The following SLC35F1 variants were observed in gnomAD, a reference collection of about 807,000 sequenced individuals.
SLC35F1 encodes chromosome 6 open reading frame 169.
A neutral mutation model predicts 48.7 loss-of-function variants in SLC35F1; 14 were observed. That is an observed-to-expected ratio of 0.29 (90% CI 0.19 to 0.45). The LOEUF (loss-of-function observed/expected upper bound fraction) is 0.45, where lower values mean the gene tolerates loss of function less well. Among genes scored for constraint, SLC35F1 ranks in the 20% least tolerant of loss-of-function variants. The probability of loss-of-function intolerance (pLI) is 1.00; values close to 1 mark genes in which losing one functional copy is unlikely to be tolerated. For missense variants in SLC35F1, 404 were observed against 500.0 expected (o/e 0.81, Z 1.83); for synonymous variants, 190 against 202.2 (o/e 0.94, Z 0.51).
chr6:118,221,982 T>TG (rs397764732), intron 2 of SLC35F1, among the ~76,000 whole-genome samples: 2 of 151,968 alleles, frequency 1.3e-5, no homozygotes, highest in East Asian at 1.9e-4. Context: ...ATAGTTTTTT[T>TG]GGGTCAGAAT....
intron 7 of SLC35F1, among the ~76,000 whole-genome samples, chr6:118,291,718 A>G (rs1776125640): frequency 6.6e-6 from 1 of 152,138 alleles, no homozygotes; most frequent in South Asian, 2.1e-4. Flanking sequence ...GCATTGCTCT[A>G]AAGGGATAGT....
chr6:118,304,692 A>C (rs1241476964), intron 7 of SLC35F1, among the ~76,000 whole-genome samples: 1 of 152,168 alleles, frequency 6.6e-6, no homozygotes, highest in East Asian at 1.9e-4. Context: ...AACATTTAGT[A>C]TGTGGCAAGC....
chr6:118,268,027 G>A (rs1271932485), intron 4 of SLC35F1, among the ~76,000 whole-genome samples: 1 of 152,164 alleles, frequency 6.6e-6, no homozygotes, highest in Admixed American at 6.5e-5. Flanking sequence ...GAAATTAGAT[G>A]ATAAAGAGTC....
intron 7 of SLC35F1, among the ~76,000 whole-genome samples, chr6:118,308,332 A>G (rs1406345913): frequency 6.6e-6 from 1 of 152,242 alleles, no homozygotes; most frequent in East Asian, 1.9e-4. Flanking sequence ...TTTGTCTTAC[A>G]TGGCAAAGAA....
chr6:118,033,090 C>T (rs963083782), intron 1 of SLC35F1, among the ~76,000 whole-genome samples: 1 of 152,102 alleles, frequency 6.6e-6, no homozygotes, highest in South Asian at 2.1e-4. Flanking sequence ...TTTTATTCAG[C>T]CTTCTCACAT....
intron 6 of SLC35F1, 148 bp downstream of exon 6, chr6:118,277,694 A>G: frequency 1.4e-6 from 1 of 714,486 alleles, no homozygotes; most frequent in African/African-American, 1.8e-5. Context: ...ATTTCAGGAA[A>G]TCCTGCACAC....
chr6:118,313,568 T>C (rs1242213861), intron 7 of SLC35F1, among the ~76,000 whole-genome samples: 1 of 152,166 alleles, frequency 6.6e-6, no homozygotes, highest in Non-Finnish European at 1.5e-5. Context: ...TGGATTAAGG[T>C]GAAATGAGAG....
At position 118,239,317 on chromosome 6, in the gene SLC35F1, A is replaced by G. The variant is rs575161797; in HGVS notation, c.477+3681A>G. Reference sequence around the variant, plus strand: ...AGTATTTTGGTGCACAGGAGCTCCCAGTGGTCCTTTATCTATATTTAGAGG... The same window carrying G: ...AGTATTTTGGTGCACAGGAGCTCCCGGTGGTCCTTTATCTATATTTAGAGG... On this transcript the variant is annotated intron_variant, in intron 3 of 7. Coordinates refer to ENST00000360388, the MANE Select transcript of SLC35F1 (RefSeq NM_001029858.4). Among the ~76,000 whole-genome samples, 4 of 151,010 alleles carry G rather than the reference A, an allele frequency of 2.6e-5. No individual in the cohort carries two copies. In the East Asian group the frequency reaches 5.8e-4, roughly 22 times the overall value.
intron 2 of SLC35F1, among the ~76,000 whole-genome samples, chr6:118,212,274 A>G (rs1004969027): frequency 1.3e-5 from 2 of 152,214 alleles, no homozygotes; most frequent in African/African-American, 4.8e-5. Context: ...CAGATGTCCC[A>G]GAAGTCCTGA....
At chr6:118,231,569 C>T (rs755611902) in intron 2 of SLC35F1, among the ~76,000 whole-genome samples, 28 of 152,306 alleles carry the variant, frequency 1.8e-4, no homozygotes, top group Non-Finnish European at 3.7e-4. Flanking sequence ...CTCTTGCCCT[C>T]CTGAATAATT....
chr6:117,979,992 A>G (rs1776756207), intron 1 of SLC35F1, among the ~76,000 whole-genome samples: 1 of 152,212 alleles, frequency 6.6e-6, no homozygotes, highest in African/African-American at 2.4e-5. Flanking sequence ...AGTTGCTGTT[A>G]GCACAGTTGT....
At chr6:117,970,583 T>C (rs951509703) in intron 1 of SLC35F1, among the ~76,000 whole-genome samples, 3 of 152,164 alleles carry the variant, frequency 2.0e-5, no homozygotes, top group Non-Finnish European at 2.9e-5. Context: ...CATACTACTA[T>C]GAAGAAATAT....
At chr6:118,163,541 G>A (rs1376557178) in intron 2 of SLC35F1, among the ~76,000 whole-genome samples, 1 of 152,020 alleles carries the variant, frequency 6.6e-6, no homozygotes, top group African/African-American at 2.4e-5. Context: ...CAGCATATAA[G>A]CTCAAGGGGA....
intron 1 of SLC35F1, among the ~76,000 whole-genome samples, chr6:118,039,826 A>G (rs1184907029): frequency 1.4e-5 from 1 of 72,300 alleles, no homozygotes; most frequent in African/African-American, 4.1e-5. Flanking sequence ...TTTTTGCTTC[A>G]GACTGGCTTA....
chr6:118,075,963 A>T (rs1772811561), intron 1 of SLC35F1, among the ~76,000 whole-genome samples: 1 of 152,166 alleles, frequency 6.6e-6, no homozygotes, highest in Non-Finnish European at 1.5e-5. Context: ...TACAGCTTCC[A>T]TGTGGATGAA....
intron 1 of SLC35F1, among the ~76,000 whole-genome samples, chr6:118,063,984 CTGA>C (rs1010349702): frequency 6.6e-6 from 1 of 152,142 alleles, no homozygotes; most frequent in African/African-American, 2.4e-5. Flanking sequence ...TTTCACACTG[CTGA>C]TAAAGACATA....
rs192028781 is a variant in SLC35F1 at position 118,158,117 on chromosome 6, C to T, written c.349+3497C>T. Among the ~76,000 whole-genome samples, 534 of 152,230 alleles carry T rather than the reference C, an allele frequency of 3.5e-3. 2 individuals carry two copies. Among genetic ancestry groups the T allele is most frequent in the South Asian group, 0.013 (63 of 4,812 alleles). On this transcript the variant is annotated intron_variant, in intron 2 of 7. Transcript: ENST00000360388. ...TGGAGAGAATCAATTTCTAAAATAC[C>T]CTCTGGAGATTTTTACCATTGCCTC...
intron 1 of SLC35F1, among the ~76,000 whole-genome samples, chr6:117,994,942 C>A (rs556702729): frequency 1.3e-5 from 2 of 152,308 alleles, no homozygotes; most frequent in South Asian, 4.1e-4. Flanking sequence ...AATGCCTTAT[C>A]ACTCATGTAA....
chr6:118,153,134 T>C (rs543993686), intron 1 of SLC35F1, among the ~76,000 whole-genome samples: 1 of 152,322 alleles, frequency 6.6e-6, no homozygotes, highest in East Asian at 1.9e-4. Flanking sequence ...TGCCCAGGAC[T>C]CTGTGCTCGT....
Sources: allele counts gnomAD v4.1 joint callset (sites outside exome capture counted in the v4.1 genomes callset), GRCh38; gene constraint gnomAD v4.1.1; transcripts MANE v1.5; gene names NCBI Gene and HGNC (gene_info 2026-07-23, HGNC 2026-07-21).